Variants in UGT2B11 observed in about 807,000 individuals in gnomAD.
The protein encoded by UGT2B11 is UDP glucuronosyltransferase family 2 member B11.
A neutral mutation model predicts 51.7 loss-of-function variants in UGT2B11; 49 were observed. The observed-to-expected ratio is 0.95, with a 90% CI of 0.75 to 1.20. The LOEUF (loss-of-function observed/expected upper bound fraction) is 1.20. Ranked by LOEUF, UGT2B11 falls within the 50% of genes most tolerant of loss-of-function variation. The pLI is 0.00. For synonymous variants in UGT2B11, 273 were observed against 209.0 expected (o/e 1.31, Z -2.64); for missense variants, 810 against 622.1 (o/e 1.30, Z -3.21).
At chr4:69,208,872 C>T (rs184757053) in intron 2 of UGT2B11, among the ~76,000 whole-genome samples, 38 of 151,716 alleles carry the variant, frequency 2.5e-4, no homozygotes, top group Admixed American at 2.5e-3. Flanking sequence ...TTTTGTTCTA[C>T]TAAATCACTT....
At chr4:69,217,419 G>T (rs887555257), upstream of UGT2B11, among the ~76,000 whole-genome samples, 1 of 152,042 alleles carries the variant, frequency 6.6e-6, no homozygotes, top group Non-Finnish European at 1.5e-5. Context: ...CTGCAGAGTG[G>T]CAATATTGTT....
the UGT2B11 span, among the ~76,000 whole-genome samples, chr4:69,223,537 T>A: frequency 1.3e-5 from 2 of 152,192 alleles, no homozygotes; most frequent in Non-Finnish European, 1.5e-5. Flanking sequence ...CTTCTGCCAA[T>A]GCATCCTACC....
rs995468970 is a variant in UGT2B11, at chr4:69,200,122, T to C, written c.*318A>G. 2.5e-5 allele frequency: 5 copies of C among 199,406 alleles called. No homozygotes were observed. Among genetic ancestry groups the C allele is most frequent in the African/African-American group, 1.2e-4 (5 of 42,228 alleles). The allele number at this position is 199,406 out of a possible 1,614,324, so 12.4% of individuals were successfully genotyped here. A position where few individuals can be genotyped will look rare whatever the true frequency, so the allele number is the denominator to read the frequency against. On this transcript the variant is annotated 3_prime_UTR_variant, in exon 6 of 6. Transcript: ENST00000446444. ...ATATAGTTAAGCTGAGTAAATTTTT[T>C]CATGTAACTTGTGAATTCAAACAAC...
chr4:69,201,502 T>A (rs1166733993), intron 5 of UGT2B11, among the ~76,000 whole-genome samples: 1 of 151,848 alleles, frequency 6.6e-6, no homozygotes, highest in Non-Finnish European at 1.5e-5. Flanking sequence ...ACTGGCAAGC[T>A]TTTTTCTAAC....
At position 69,200,571 on chromosome 4, in the gene UGT2B11, G is replaced by A. The variant is rs1721616040; in HGVS notation, c.1459C>T (p.Gln487Ter). Reference protein sequence around the residue: ...RVAAHDLTWFQYHSLDVIGFL... With the variant: ...RVAAHDLTWF ...CCAATCACATCCAAAGAGTGGTACT[G>A]GAACCAGGTGAGGTCATGGGCTGCA... Residue 487 changes from glutamine (Q) to a stop codon, truncating the protein, a stop_gained, in exon 6 of 6, where the codon CAG becomes TAG. Coordinates refer to ENST00000446444, the MANE Select transcript of UGT2B11 (RefSeq NM_001073.3). LOFTEE classifies it high-confidence loss of function. 2 of 1,612,440 alleles carry A rather than the reference G, an allele frequency of 1.2e-6. No individual in the cohort carries two copies. Among genetic ancestry groups the A allele is most frequent in the Non-Finnish European group, 1.7e-6 (2 of 1,179,006 alleles).
In UGT2B11 at chr4:69,204,793, T is replaced by A; in HGVS notation, c.1091-144A>T. On this transcript the variant is annotated intron_variant, in intron 4 of 5. Transcript: ENST00000446444. ...TTCAGACTTCAGATGAAAAAGCACG[T>A]ACTTGTTTAGGAGATGTAACTGAAA... The A allele has an allele frequency of 4.5e-6, 6 of 1,330,580 alleles. 1 individual carries two copies. In the South Asian group the frequency reaches 6.8e-5, roughly 15 times the overall value. 82.4% of individuals were successfully genotyped at this position (1,330,580 alleles called of 1,614,324 possible).
In UGT2B11 at chr4:69,214,363, A is replaced by T; in HGVS notation, c.360T>A (p.Tyr120Ter). ...CTTTACAGAAGTTTCTAAATATGTC[A>T]TATAATTCCCACAGGATTTCTTGTT... ...SQEQEILWEL[Y>*]DIFRNFCKDV... Residue 120 changes from tyrosine (Y) to a stop codon, truncating the protein, a stop_gained, in exon 1 of 6, where the codon TAT becomes TAA. Transcript: ENST00000446444. LOFTEE classifies it high-confidence loss of function. 6.2e-7 allele frequency: 1 copy of T among 1,612,598 alleles called. No homozygotes were observed. Among genetic ancestry groups the T allele is most frequent in the East Asian group, 2.2e-5 (1 of 44,782 alleles).
chr4:69,203,588 A>G (rs1425145144), intron 5 of UGT2B11, among the ~76,000 whole-genome samples: 1 of 151,800 alleles, frequency 6.6e-6, no homozygotes, highest in African/African-American at 2.4e-5. Context: ...CAAAAGGCCA[A>G]TGAACTGACA....
upstream of UGT2B11, among the ~76,000 whole-genome samples, chr4:69,218,747 G>A (rs1722336193): frequency 6.6e-6 from 1 of 152,036 alleles, no homozygotes; most frequent in Admixed American, 6.6e-5. Flanking sequence ...TTACAGAGTA[G>A]GGCATCCTCT....
intron 4 of UGT2B11, 102 bp from the exon 5 acceptor site, chr4:69,204,751 C>A (rs1357023322): frequency 3.2e-6 from 5 of 1,553,258 alleles, no homozygotes; most frequent in Admixed American, 3.7e-5. Flanking sequence ...ACACATTGAA[C>A]TAATTTGCTA....
At chr4:69,219,602 C>T (rs1374289980), upstream of UGT2B11, among the ~76,000 whole-genome samples, 1 of 152,004 alleles carries the variant, frequency 6.6e-6, no homozygotes, top group Non-Finnish European at 1.5e-5. Context: ...GCTTGGGAGG[C>T]CTCGCAATGA....
At chr4:69,217,994 A>T (rs2109959679), upstream of UGT2B11, among the ~76,000 whole-genome samples, 2 of 152,062 alleles carry the variant, frequency 1.3e-5, no homozygotes, top group African/African-American at 4.8e-5. Context: ...TGACCTAAAC[A>T]CCTCCTAAAA....
chr4:69,213,554 G>A (rs1458838491), intron 1 of UGT2B11, among the ~76,000 whole-genome samples: 3 of 151,586 alleles, frequency 2.0e-5, no homozygotes, highest in Admixed American at 2.0e-4. Context: ...GGAAACATGG[G>A]AATATCTTTC....
intron 5 of UGT2B11, 84 bp downstream of exon 5, chr4:69,204,346 A>G: frequency 1.3e-6 from 2 of 1,557,848 alleles, no homozygotes; most frequent in Non-Finnish European, 1.7e-6. Flanking sequence ...TTACTCTCTT[A>G]TAAAAAGGAT....
chr4:69,208,580 T>G (rs1721946407), intron 2 of UGT2B11, 98 bp from the exon 3 acceptor site: 1 of 1,536,894 alleles, frequency 6.5e-7, no homozygotes, highest in African/African-American at 1.4e-5. Context: ...AATCAAGTAT[T>G]TTGAGGAATT....
chr4:69,211,098 A>C (rs569669069), intron 2 of UGT2B11: 62 of 151,622 alleles, frequency 4.1e-4, no homozygotes, highest in African/African-American at 1.4e-3. Context: ...TTCATCCAGA[A>C]AGCTTTACTG....
rs369662379 is a variant in UGT2B11, at chr4:69,200,681, T to G, written c.1349A>C (p.His450Pro). Residue 450 changes from histidine (H) to proline (P), a missense_variant, in exon 6 of 6, where the codon CAT becomes CCT. His to Pro is a moderately conservative substitution (Grantham distance 77). Transcript: ENST00000446444. ...ATCCAGGGGCTTTACTGGTTGATCATGTTGAATTCTTGATAATTTCATAAT... is the reference window on the plus strand; with the variant it reads ...ATCCAGGGGCTTTACTGGTTGATCAGGTTGAATTCTTGATAATTTCATAAT... ...ENIMKLSRIQ[H>P]DQPVKPLDRA... 21 of 1,611,662 alleles carry G rather than the reference T, an allele frequency of 1.3e-5. No homozygotes were observed. In the African/African-American group the frequency reaches 2.8e-4, roughly 22 times the overall value.
upstream of UGT2B11, among the ~76,000 whole-genome samples, chr4:69,219,508 G>A (rs915548710): frequency 8.6e-5 from 13 of 151,936 alleles, no homozygotes; most frequent in South Asian, 2.1e-4. Context: ...CTGTACTAGC[G>A]TTTTCTCATG....
At chr4:69,202,506 A>G (rs1261360093) in intron 5 of UGT2B11, among the ~76,000 whole-genome samples, 2 of 151,762 alleles carry the variant, frequency 1.3e-5, no homozygotes, top group South Asian at 2.1e-4. Context: ...ATTGCCCACC[A>G]CACATCACTT....
Sources: allele counts gnomAD v4.1 joint callset (sites outside exome capture counted in the v4.1 genomes callset), GRCh38; gene constraint gnomAD v4.1.1; transcripts MANE v1.5; gene names NCBI Gene and HGNC (gene_info 2026-07-23, HGNC 2026-07-21).